CA10: variants seen among roughly 807,000 people sequenced by gnomAD.
The protein encoded by CA10 is carbonic anhydrase 10 (inactive).
In CA10, 14 loss-of-function variants were observed where a neutral mutation model predicts 44.2. The observed-to-expected ratio is 0.32, with a 90% confidence interval of 0.21 to 0.50. The LOEUF (loss-of-function observed/expected upper bound fraction) is 0.50, where lower values mean the gene tolerates loss of function less well. CA10 is among the 20% of genes least tolerant of loss of function. The pLI is 0.99. For missense variants in CA10, 350 were observed against 409.7 expected (o/e 0.85, Z 1.26); for synonymous variants, 159 against 141.6 (o/e 1.12, Z -0.87).
At chr17:52,132,421 C>G (rs1490403651) in intron 1 of CA10, among the ~76,000 whole-genome samples, 3 of 152,134 alleles carry the variant, frequency 2.0e-5, no homozygotes, top group Non-Finnish European at 4.4e-5. Context: ...ATCCCAGTGC[C>G]ACAGAGTGCT....
chr17:52,157,623 G>C, intron 1 of CA10, 103 bp downstream of exon 1: 6 of 1,035,788 alleles, frequency 5.8e-6, no homozygotes, highest in Non-Finnish European at 9.0e-6. Context: ...AAAGGGTCTC[G>C]CCACCCCTCT....
At position 51,963,374 on chromosome 17, in the gene CA10, T is replaced by A. The variant is rs550796022; in HGVS notation, c.137-32242A>T. ...GGCTAATTCAAGAAAACGTCCCTAA[T>A]CTTGCTAGAGAGGTAGACATCTAGA... On this transcript the variant is annotated intron_variant, in intron 2 of 8. Coordinates refer to ENST00000451037, the MANE Select transcript of CA10 (RefSeq NM_020178.5). Among the ~76,000 whole-genome samples, 72 of 152,302 alleles carry A rather than the reference T, an allele frequency of 4.7e-4. 2 individuals are homozygous for A. The highest frequency in any genetic ancestry group is 1.6e-3 in the African/African-American group (68 of 41,572).
chr17:51,831,681 G>GCAGCAGCAGCAGCAGCATCAT (rs1555604041), intron 3 of CA10, among the ~76,000 whole-genome samples: 1 of 70,270 alleles, frequency 1.4e-5, no homozygotes, highest in African/African-American at 4.4e-5. Flanking sequence ...AGCAGCAGCA[G>GCAGCAGCAGCAGCAGCATCAT]CAGCAGCAGC....
At chr17:51,808,037 AC>A (rs573521686) in intron 3 of CA10, among the ~76,000 whole-genome samples, 5 of 152,274 alleles carry the variant, frequency 3.3e-5, no homozygotes, top group South Asian at 4.1e-4. Flanking sequence ...TAAAGTTTCC[AC>A]TGTCATATCC....
chr17:51,725,095 A>G (rs1186229682), intron 4 of CA10, among the ~76,000 whole-genome samples: 1 of 152,210 alleles, frequency 6.6e-6, no homozygotes, highest in Admixed American at 6.5e-5. Flanking sequence ...AAGGCCACAC[A>G]ATCAGTAAAT....
At chr17:52,086,383 A>G (rs982303251) in intron 1 of CA10, among the ~76,000 whole-genome samples, 1 of 152,208 alleles carries the variant, frequency 6.6e-6, no homozygotes, top group Non-Finnish European at 1.5e-5. Flanking sequence ...TCTGCAATAC[A>G]AGACTTCAAA....
intron 3 of CA10, among the ~76,000 whole-genome samples, chr17:51,785,585 A>G (rs1487136635): frequency 6.6e-6 from 1 of 152,182 alleles, no homozygotes; most frequent in Non-Finnish European, 1.5e-5. Context: ...AATTAGTACA[A>G]CTACTATGGA....
intron 2 of CA10, among the ~76,000 whole-genome samples, chr17:52,052,212 C>T (rs897299559): frequency 2.6e-5 from 4 of 151,010 alleles, no homozygotes; most frequent in Non-Finnish European, 5.9e-5. Flanking sequence ...ATTAAATAAT[C>T]TGAACAACAA....
At chr17:51,664,385 A>C (rs774926366) in intron 4 of CA10, among the ~76,000 whole-genome samples, 2 of 152,174 alleles carry the variant, frequency 1.3e-5, no homozygotes, top group Non-Finnish European at 2.9e-5. Context: ...TCAGGAGTTA[A>C]GGGTAAATCA....
At chr17:52,014,645 C>T (rs1350423802) in intron 2 of CA10, among the ~76,000 whole-genome samples, 1 of 151,944 alleles carries the variant, frequency 6.6e-6, no homozygotes, top group Non-Finnish European at 1.5e-5. Flanking sequence ...CATTTTAAAT[C>T]GTCTGTATAA....
At chr17:51,854,887 C>T (rs1034994753) in intron 3 of CA10, among the ~76,000 whole-genome samples, 7 of 152,168 alleles carry the variant, frequency 4.6e-5, no homozygotes, top group Admixed American at 1.3e-4. Flanking sequence ...CTCGCTTAAA[C>T]CTCGCAACTA....
chr17:51,740,376 C>T (rs528572739), intron 4 of CA10, among the ~76,000 whole-genome samples: 18 of 152,130 alleles, frequency 1.2e-4, no homozygotes, highest in African/African-American at 9.6e-5. Context: ...AGAGCAGATG[C>T]GTAATCATTC....
At chr17:51,911,910 A>C (rs1261495475) in intron 3 of CA10, among the ~76,000 whole-genome samples, 1 of 152,202 alleles carries the variant, frequency 6.6e-6, no homozygotes, top group Non-Finnish European at 1.5e-5. Context: ...CTATGTGCCA[A>C]ATAATTTGCA....
chr17:52,005,454 C>T (rs879248268), intron 2 of CA10, among the ~76,000 whole-genome samples: 3 of 151,898 alleles, frequency 2.0e-5, no homozygotes, highest in Admixed American at 2.0e-4. Flanking sequence ...AAGAGATTGG[C>T]CAGATCACAC....
chr17:51,823,345 C>T (rs1907888791), intron 3 of CA10, among the ~76,000 whole-genome samples: 1 of 152,194 alleles, frequency 6.6e-6, no homozygotes, highest in Non-Finnish European at 1.5e-5. Flanking sequence ...GAGTAAGGAG[C>T]AGCCCTCCAG....
chr17:52,051,758 C>T (rs572587887), intron 2 of CA10, among the ~76,000 whole-genome samples: 1 of 152,232 alleles, frequency 6.6e-6, no homozygotes, highest in South Asian at 2.1e-4. Context: ...TACCATTCAA[C>T]TCAGCAGCCC....
intron 3 of CA10, among the ~76,000 whole-genome samples, chr17:51,849,140 GTTTTT>G (rs1176251923): frequency 8.7e-6 from 1 of 114,950 alleles, no homozygotes; most frequent in Non-Finnish European, 1.9e-5. Context: ...TAAAAACTTA[GTTTTT>G]TATATATATA....
At chr17:51,724,621 T>A (rs1325044016) in intron 4 of CA10, among the ~76,000 whole-genome samples, 1 of 152,240 alleles carries the variant, frequency 6.6e-6, no homozygotes, top group Non-Finnish European at 1.5e-5. Context: ...TTTTTTAAAT[T>A]TTGTTTTCTC....
chr17:51,662,395 G>C (rs1469962260), intron 4 of CA10, among the ~76,000 whole-genome samples: 1 of 152,206 alleles, frequency 6.6e-6, no homozygotes, highest in Non-Finnish European at 1.5e-5. Flanking sequence ...TTAAGGCACA[G>C]AGAGGTTAAG....
Sources: allele counts gnomAD v4.1 joint callset (sites outside exome capture counted in the v4.1 genomes callset), GRCh38; gene constraint gnomAD v4.1.1; transcripts MANE v1.5; gene names NCBI Gene and HGNC (gene_info 2026-07-23, HGNC 2026-07-21).